OXR1: variants seen among roughly 807,000 people sequenced by gnomAD.
OXR1 encodes the protein oxidation resistance 1.
OXR1 carries 41 observed loss-of-function variants against 104.6 expected under a neutral mutation model. The observed-to-expected ratio is 0.39, with a 90% CI of 0.31 to 0.51. OXR1 has a LOEUF of 0.51. OXR1 is among the 20% of genes least tolerant of loss of function. OXR1 has a pLI of 0.77. For synonymous variants in OXR1, 348 were observed against 348.4 expected (o/e 1.00, Z 0.01); for missense variants, 955 against 1,031.9 (o/e 0.93, Z 1.02).
intron 1 of OXR1, among the ~76,000 whole-genome samples, chr8:106,349,238 C>A (rs1815623195): frequency 6.6e-6 from 1 of 151,540 alleles, no homozygotes; most frequent in African/African-American, 2.4e-5. Context: ...CAAAATGATC[C>A]AAATGTTCAA....
chr8:106,407,466 A>T (rs1818287447), intron 2 of OXR1, among the ~76,000 whole-genome samples: 1 of 152,218 alleles, frequency 6.6e-6, no homozygotes, highest in South Asian at 2.1e-4. Context: ...AAGCAGAAAG[A>T]CTACTCTAAG....
At chr8:106,558,956 T>C (rs574671234) in intron 3 of OXR1, among the ~76,000 whole-genome samples, 2 of 152,376 alleles carry the variant, frequency 1.3e-5, no homozygotes, top group Admixed American at 6.5e-5. Flanking sequence ...GTGGTAGTGA[T>C]GGTGTCTTTT....
intron 1 of OXR1, among the ~76,000 whole-genome samples, chr8:106,354,038 T>C (rs1021757760): frequency 4.6e-5 from 7 of 152,128 alleles, no homozygotes; most frequent in African/African-American, 1.7e-4. Flanking sequence ...TCTTTCAGGT[T>C]ATCCAAATTG....
chr8:106,378,533 G>A (rs1817000610), intron 2 of OXR1, among the ~76,000 whole-genome samples: 1 of 152,176 alleles, frequency 6.6e-6, no homozygotes, highest in Admixed American at 6.5e-5. Context: ...TTTTGAGACG[G>A]AGTTTCACTG....
chr8:106,369,984 C>T (rs1299602823), intron 2 of OXR1, among the ~76,000 whole-genome samples: 5 of 152,110 alleles, frequency 3.3e-5, no homozygotes, highest in South Asian at 2.1e-4. Context: ...TAAATTACTT[C>T]GGGCTGTTTG....
At chr8:106,420,325 TC>T (rs1283942327) in intron 2 of OXR1, among the ~76,000 whole-genome samples, 2 of 151,976 alleles carry the variant, frequency 1.3e-5, no homozygotes, top group Non-Finnish European at 2.9e-5. Flanking sequence ...CTTATGAATT[TC>T]TTTTGTATAA....
At chr8:106,663,298 G>T (rs1271912859) in intron 3 of OXR1, among the ~76,000 whole-genome samples, 2 of 152,204 alleles carry the variant, frequency 1.3e-5, no homozygotes, top group Non-Finnish European at 2.9e-5. Flanking sequence ...CTTAGTATTT[G>T]CAAGAGTTAC....
At chr8:106,725,143 G>T (rs1833204008) in intron 11 of OXR1, among the ~76,000 whole-genome samples, 2 of 152,046 alleles carry the variant, frequency 1.3e-5, no homozygotes, top group African/African-American at 2.4e-5. Flanking sequence ...AAATGTAGTG[G>T]GGCTGAATGA....
chr8:106,534,907 TAA>T (rs2130271144), intron 3 of OXR1, among the ~76,000 whole-genome samples: 1 of 152,338 alleles, frequency 6.6e-6, no homozygotes, highest in South Asian at 2.1e-4. Flanking sequence ...ACATTATTGA[TAA>T]GTTTTTAATA....
intron 3 of OXR1, among the ~76,000 whole-genome samples, chr8:106,584,978 T>C (rs555366465): frequency 1.5e-4 from 23 of 152,268 alleles, no homozygotes; most frequent in Admixed American, 1.5e-3. Context: ...GCTTCTTTAG[T>C]TTATGTGGAA....
At chr8:106,533,152 C>G (rs964539898) in intron 3 of OXR1, among the ~76,000 whole-genome samples, 1 of 152,134 alleles carries the variant, frequency 6.6e-6, no homozygotes, top group Admixed American at 6.5e-5. Flanking sequence ...CTTGGCTGCC[C>G]CTGACTATTT....
chr8:106,364,092 G>A (rs1455023448), intron 2 of OXR1, among the ~76,000 whole-genome samples: 1 of 152,058 alleles, frequency 6.6e-6, no homozygotes, highest in East Asian at 1.9e-4. Flanking sequence ...ATTCCGTTTT[G>A]CATGCCTACA....
At chr8:106,635,433 A>G (rs953912835) in intron 3 of OXR1, among the ~76,000 whole-genome samples, 2 of 151,986 alleles carry the variant, frequency 1.3e-5, no homozygotes, top group African/African-American at 4.8e-5. Flanking sequence ...ATGCCTTAGG[A>G]GAGGTGCATT....
At chr8:106,524,487 C>A (rs1813505758) in intron 3 of OXR1, among the ~76,000 whole-genome samples, 1 of 152,170 alleles carries the variant, frequency 6.6e-6, no homozygotes, top group East Asian at 1.9e-4. Context: ...ATATGGAGGA[C>A]TTTTGCTGGA....
intron 2 of OXR1, among the ~76,000 whole-genome samples, chr8:106,509,307 A>G (rs574193649): frequency 5.3e-5 from 8 of 152,332 alleles, no homozygotes; most frequent in African/African-American, 1.9e-4. Flanking sequence ...CAAGGCAAAA[A>G]CTGAAATAAA....
intron 1 of OXR1, among the ~76,000 whole-genome samples, chr8:106,322,487 C>T (rs1814268176): frequency 6.6e-6 from 1 of 152,042 alleles, no homozygotes; most frequent in South Asian, 2.1e-4. Context: ...AAAATCAGCA[C>T]AAGACAACTG....
intron 2 of OXR1, among the ~76,000 whole-genome samples, chr8:106,421,388 T>G (rs1320843786): frequency 6.6e-6 from 1 of 152,158 alleles, no homozygotes; most frequent in East Asian, 1.9e-4. Flanking sequence ...CTTAATAGTT[T>G]AAAAAAATAA....
intron 5 of OXR1, among the ~76,000 whole-genome samples, chr8:106,683,775 G>A (rs993353224): frequency 1.3e-5 from 2 of 152,064 alleles, no homozygotes; most frequent in East Asian, 1.9e-4. Flanking sequence ...ACTTTTTCAC[G>A]CGTGCATGGT....
chr8:106,459,637 T>C (rs371008798), intron 2 of OXR1, among the ~76,000 whole-genome samples: 2 of 152,180 alleles, frequency 1.3e-5, no homozygotes, highest in East Asian at 3.8e-4. Context: ...AAGCTAACCA[T>C]TATCTGTTCT....
Sources: allele counts gnomAD v4.1 joint callset (sites outside exome capture counted in the v4.1 genomes callset), GRCh38; gene constraint gnomAD v4.1.1; transcripts MANE v1.5; gene names NCBI Gene and HGNC (gene_info 2026-07-23, HGNC 2026-07-21).